Variants in TNFAIP1 observed in about 807,000 individuals in gnomAD.
TNFAIP1 encodes BTB/POZ domain-containing adapter for CUL3-mediated RhoA degradation protein 2.
In TNFAIP1, 20 loss-of-function variants were observed where a neutral mutation model predicts 32.6. The observed-to-expected ratio is 0.61, with a 90% CI of 0.43 to 0.89. TNFAIP1 has a LOEUF of 0.89. TNFAIP1 is among the 40% of genes least tolerant of loss of function. The pLI is 0.00. For synonymous variants in TNFAIP1, 166 were observed against 166.8 expected (o/e 1.00, Z 0.04); for missense variants, 319 against 425.1 (o/e 0.75, Z 2.20).
chr17:28,336,064 C>T (rs1312927895), intron 1 of TNFAIP1, among the ~76,000 whole-genome samples: 4 of 152,190 alleles, frequency 2.6e-5, no homozygotes, highest in Non-Finnish European at 5.9e-5. Context: ...CCCACACCGG[C>T]CACATTTCCC....
chr17:28,339,789 A>G lies in TNFAIP1; in HGVS notation c.205+63A>G, dbSNP rs1907302670. ...AGGAGGAGTTCCCAAGGAAATGACC[A>G]GATCTAGAATTCAGTCACTTTTCCT... On this transcript the variant is annotated intron_variant, in intron 2 of 6. Coordinates refer to ENST00000226225, the MANE Select transcript of TNFAIP1 (RefSeq NM_021137.5). 1.9e-6 allele frequency: 3 copies of G among 1,550,098 alleles called. No homozygotes were observed. The South Asian group carries it at 3.5e-5, about 18-fold the overall frequency.
rs1203382504 is a variant in TNFAIP1 at position 28,342,051 on chromosome 17, T to C, written c.519-196T>C. Among the ~76,000 whole-genome samples the C allele has an allele frequency of 1.3e-5, 2 of 152,166 alleles. No individual in the cohort carries two copies. The highest frequency in any genetic ancestry group is 3.9e-4 in the East Asian group (2 of 5,182). ...GTCCCTACTTTGACTTAAAACCAAC[T>C]GAGTTCCTTTTCCTCACAGGCCCCC... On this transcript the variant is annotated intron_variant, in intron 5 of 6. Coordinates refer to ENST00000226225, the MANE Select transcript of TNFAIP1 (RefSeq NM_021137.5). This position sits in a 1 kb window ranked among gnomAD's most constrained non-coding sequence, Gnocchi z 4.0.
In TNFAIP1 at chr17:28,340,719, TTTTCTGTTTTTGCTTTTG is replaced by T. The variant is rs1421797089; in HGVS notation, c.375+254_375+271del. Among the ~76,000 whole-genome samples the T allele has an allele frequency of 1.3e-5, 2 of 151,960 alleles. No individual in the cohort carries two copies. Among genetic ancestry groups the T allele is most frequent in the African/African-American group, 4.8e-5 (2 of 41,362 alleles). On this transcript the variant is annotated intron_variant, in intron 3 of 6. Transcript: ENST00000226225. The surrounding 1 kb of genome is among the most constrained non-coding windows in gnomAD (Gnocchi z 4.1). ...CTTTGCTACCCGGATTTTAGGGGGT[TTTTCTGTTTTTGCTTTTG>T]TTTCTGTTTTTGTTTTTGTTTTTTG...
At position 28,340,195 on chromosome 17, in the gene TNFAIP1, T is replaced by C; in HGVS notation, c.206-114T>C. ...GCCTCTGTCACCCTGCGTAAGGGCT[T>C]TGTGCTCGTGGACCCCCTTCCCTGC... On this transcript the variant is annotated intron_variant, in intron 2 of 6. Coordinates refer to ENST00000226225, the MANE Select transcript of TNFAIP1 (RefSeq NM_021137.5). This position sits in a 1 kb window ranked among gnomAD's most constrained non-coding sequence, Gnocchi z 4.1. 3.7e-6 allele frequency: 4 copies of C among 1,094,968 alleles called. No homozygotes were observed. Among genetic ancestry groups the C allele is most frequent in the Non-Finnish European group, 5.4e-6 (4 of 738,630 alleles). The allele number at this position is 1,094,968 out of a possible 1,614,324, so 67.8% of individuals were successfully genotyped here. A position where few individuals can be genotyped will look rare whatever the true frequency, so the allele number is the denominator to read the frequency against.
chr17:28,340,086 C>T lies in TNFAIP1; in HGVS notation c.206-223C>T, dbSNP rs1452176392. ...GCTTCTACAGCCTGGAGGGCTGTAT[C>T]CCCCGTGGGATGTGCCAGTTCTGGG... On this transcript the variant is annotated intron_variant, in intron 2 of 6. Transcript: ENST00000226225. The surrounding 1 kb of genome is among the most constrained non-coding windows in gnomAD (Gnocchi z 4.1). Among the ~76,000 whole-genome samples, 1 of 152,094 alleles carries T rather than the reference C, an allele frequency of 6.6e-6. No homozygotes were observed. Among genetic ancestry groups the T allele is most frequent in the East Asian group, 1.9e-4 (1 of 5,178 alleles).
At position 28,344,503 on chromosome 17, in the gene TNFAIP1, C is replaced by G; in HGVS notation, c.854C>G (p.Thr285Ser). 6.2e-7 allele frequency: 1 copy of G among 1,613,908 alleles called. No homozygotes were observed. Among genetic ancestry groups the G allele is most frequent in the African/African-American group, 1.3e-5 (1 of 74,936 alleles). The change falls in exon 7 of 7, where the codon ACC becomes AGC. Residue 285 changes from threonine (T) to serine (S), a missense_variant. Coordinates refer to ENST00000226225, the MANE Select transcript of TNFAIP1 (RefSeq NM_021137.5). ...GCTTCCCCCAGTGAAGATGAGGAGA[C>G]CTTTGAACTGCGGGACCGTGTCCGC... ...SQASPSEDEE[T>S]FELRDRVRRI...
intron 1 of TNFAIP1, among the ~76,000 whole-genome samples, chr17:28,337,686 C>T (rs1186917403): frequency 6.6e-6 from 1 of 152,130 alleles, no homozygotes; most frequent in Non-Finnish European, 1.5e-5. Flanking sequence ...TTGTTTCTAA[C>T]AGGAACTTTG....
intron 6 of TNFAIP1, among the ~76,000 whole-genome samples, chr17:28,343,277 C>T (rs1907430066): frequency 6.6e-6 from 1 of 152,104 alleles, no homozygotes; most frequent in Admixed American, 6.5e-5. Flanking sequence ...CTCAGGTGGC[C>T]CCTCTCCCCC....
At position 28,341,305 on chromosome 17, in the gene TNFAIP1, G is replaced by A; in HGVS notation, c.444G>A (p.Arg148=). ...TCACATCCCTAAAGGAGGAGGAGCG[G>A]CTCATCGAATCCTCCACCAAGGTAC... ...PIITSLKEEE[R]LIESSTKPVV... Residue 148 remains arginine, a synonymous_variant, in exon 4 of 7, where the codon CGG becomes CGA. Coordinates refer to ENST00000226225, the MANE Select transcript of TNFAIP1 (RefSeq NM_021137.5). 6.2e-7 allele frequency: 1 copy of A among 1,614,194 alleles called. No individual in the cohort carries two copies.
Position 28,344,435 on chromosome 17 carries a change from C to G in TNFAIP1, c.786C>G (p.Pro262=). 1 of 1,613,948 alleles carries G rather than the reference C, an allele frequency of 6.2e-7. No individual in the cohort carries two copies. Among genetic ancestry groups the G allele is most frequent in the African/African-American group, 1.3e-5 (1 of 75,018 alleles). ...NVLLYETPRV[P]DNSLLEATSR... ...TACTCTATGAGACTCCCCGCGTCCC[C>G]GACAACTCCTTGTTGGAGGCCACAA... is the stretch of plus-strand genomic sequence containing the variant. The change falls in exon 7 of 7, where the codon CCC becomes CCG. Residue 262 remains proline (P), a synonymous_variant. Transcript: ENST00000226225.
chr17:28,339,636 T>TA lies in TNFAIP1; in HGVS notation c.116dup (p.Tyr39Ter). ...YVQLNVGGSL[Y>*]YTTVRALTRH... ...CCAGCTCAACGTGGGCGGCTCTCTG[T>TA]ACTACACCACTGTGCGGGCCCTGAC... The change falls in exon 2 of 7, where the codon TAC becomes TAAC. Residue 39 changes from tyrosine to a stop codon, truncating the protein, a stop_gained and frameshift_variant. Transcript: ENST00000226225. LOFTEE classifies it high-confidence loss of function. The TA allele has an allele frequency of 6.2e-7, 1 of 1,613,854 alleles. No homozygotes were observed.
At position 28,341,276 on chromosome 17, in the gene TNFAIP1, A is replaced by G. The variant is rs1907352537; in HGVS notation, c.415A>G (p.Ile139Val). Residue 139 changes from isoleucine to valine, a missense_variant, in exon 4 of 7, where the codon ATC becomes GTC. By Grantham distance (29) the Ile-to-Val change is conservative (BLOSUM62 3). Coordinates refer to ENST00000226225, the MANE Select transcript of TNFAIP1 (RefSeq NM_021137.5). ...CTACCAGCCTGTGTGCAACATCCCC[A>G]TCATCACATCCCTAAAGGAGGAGGA... ...DSYQPVCNIP[I>V]ITSLKEEERL... 6.2e-7 allele frequency: 1 copy of G among 1,614,188 alleles called. No homozygotes were observed. Among genetic ancestry groups the G allele is most frequent in the Non-Finnish European group, 8.5e-7 (1 of 1,180,032 alleles).
In TNFAIP1 at chr17:28,340,574, G is replaced by A. The variant is rs1555578024; in HGVS notation, c.375+96G>A. 1.6e-5 allele frequency: 23 copies of A among 1,446,478 alleles called. No individual in the cohort carries two copies. The highest frequency in any genetic ancestry group is 1.3e-5 in the Non-Finnish European group (14 of 1,055,140). The allele number at this position is 1,446,478 out of a possible 1,614,324, so 89.6% of individuals were successfully genotyped here. On this transcript the variant is annotated intron_variant, in intron 3 of 6. Coordinates refer to ENST00000226225, the MANE Select transcript of TNFAIP1 (RefSeq NM_021137.5). The surrounding 1 kb of genome is among the most constrained non-coding windows in gnomAD (Gnocchi z 4.1). ...CTCTGGTTCCTGGCAGGTTGTGTGGGAGGCGTGGTTGATGAGTGCAAACCT... is the reference window on the plus strand; with the variant it reads ...CTCTGGTTCCTGGCAGGTTGTGTGGAAGGCGTGGTTGATGAGTGCAAACCT...
In TNFAIP1 at chr17:28,344,407, T is replaced by C; in HGVS notation, c.758T>C (p.Val253Ala). Reference sequence around the variant, plus strand: ...CGAATCTATGAGGAGACACTCAACGTCCTACTCTATGAGACTCCCCGCGTC... The same window carrying C: ...CGAATCTATGAGGAGACACTCAACGCCCTACTCTATGAGACTCCCCGCGTC... ...EARIYEETLN[V>A]LLYETPRVPD... The change falls in exon 7 of 7, where the codon GTC becomes GCC. Residue 253 changes from valine to alanine, a missense_variant. Physicochemically the swap from Val to Ala is moderately conservative, Grantham distance 64. Transcript: ENST00000226225. 1 of 1,613,794 alleles carries C rather than the reference T, an allele frequency of 6.2e-7. No homozygotes were observed. Among genetic ancestry groups the C allele is most frequent in the Non-Finnish European group, 8.5e-7 (1 of 1,179,982 alleles).
intron 1 of TNFAIP1, chr17:28,336,359 C>T (rs1232247896): frequency 6.6e-6 from 1 of 152,220 alleles, no homozygotes; most frequent in African/African-American, 2.4e-5. Flanking sequence ...TCAGTGGAAA[C>T]TTCATTCTCA....
chr17:28,341,312 G>A lies in TNFAIP1; in HGVS notation c.451G>A (p.Glu151Lys), dbSNP rs1477207505. 1.1e-5 allele frequency: 17 copies of A among 1,614,034 alleles called. No individual in the cohort carries two copies. The highest frequency in any genetic ancestry group is 1.6e-4 in the Middle Eastern group (1 of 6,084). The change falls in exon 4 of 7, where the codon GAA (glutamate) becomes AAA (lysine). Residue 151 changes from glutamate to lysine, a missense_variant. Glu to Lys is a moderately conservative substitution (Grantham distance 56). Coordinates refer to ENST00000226225, the MANE Select transcript of TNFAIP1 (RefSeq NM_021137.5). ...TSLKEEERLI[E>K]SSTKPVVKLL... ...CCTAAAGGAGGAGGAGCGGCTCATC[G>A]AATCCTCCACCAAGGTACCAGGACC...
rs903372247 is a variant in TNFAIP1, at chr17:28,339,467, G to A, written c.-55G>A. ...ACTCACTCGTGACCCTTTCCACCAC[G>A]GCGGAGCCTTCCAAGCCTACCTCCT... On this transcript the variant is annotated 5_prime_UTR_variant, in exon 2 of 7. Transcript: ENST00000226225. 3.0e-5 allele frequency: 46 copies of A among 1,513,610 alleles called. No homozygotes were observed. Among genetic ancestry groups the A allele is most frequent in the Non-Finnish European group, 3.6e-5 (41 of 1,129,860 alleles). The allele number at this position is 1,513,610 out of a possible 1,614,324, so 93.8% of individuals were successfully genotyped here. A position where few individuals can be genotyped will look rare whatever the true frequency, so the allele number is the denominator to read the frequency against.
chr17:28,336,331 G>A (rs1186821949), intron 1 of TNFAIP1: 1 of 152,232 alleles, frequency 6.6e-6, no homozygotes, highest in African/African-American at 2.4e-5. Context: ...AAGTGCGGAA[G>A]GAAGAGCACT....
chr17:28,339,711 C>T lies in TNFAIP1; in HGVS notation c.190C>T (p.Leu64=), dbSNP rs781909914. ...KAMFSGRMEV[L]TDKEGWILID... ...CATGTTCAGTGGGCGCATGGAGGTG[C>T]TGACCGACAAAGAAGGTGAGGCACT... is the stretch of plus-strand genomic sequence containing the variant. The change falls in exon 2 of 7, where the codon CTG becomes TTG. Residue 64 remains leucine, a synonymous_variant. Transcript: ENST00000226225. The T allele has an allele frequency of 6.2e-7, 1 of 1,613,762 alleles. No homozygotes were observed. The highest frequency in any genetic ancestry group is 8.5e-7 in the Non-Finnish European group (1 of 1,179,924).
Sources: gnomAD v4.1 joint callset for allele counts (sites outside exome capture counted in the v4.1 genomes callset) on GRCh38, gnomAD v4.1.1 for gene constraint, Gnocchi (gnomAD v3.1) non-coding constraint, MANE v1.5 for transcripts, NCBI Gene and HGNC (gene_info 2026-07-23, HGNC 2026-07-21) for gene names.